FAM107B: variants seen among roughly 807,000 people sequenced by gnomAD.
FAM107B encodes the protein protein FAM107B.
A neutral mutation model predicts 31.5 loss-of-function variants in FAM107B; 21 were observed. The observed-to-expected ratio is 0.67, with a 90% CI of 0.47 to 0.96. The LOEUF (loss-of-function observed/expected upper bound fraction) is 0.96. Among genes scored for constraint, FAM107B ranks in the 40% least tolerant of loss-of-function variants. The pLI, the probability that FAM107B is intolerant of heterozygous loss-of-function variation, is 0.00. For missense variants in FAM107B, 452 were observed against 377.1 expected (o/e 1.20, Z -1.64); for synonymous variants, 157 against 141.5 (o/e 1.11, Z -0.78).
At chr10:14,725,590 G>T (rs768013261) in intron 1 of FAM107B, among the ~76,000 whole-genome samples, 67 of 146,798 alleles carry the variant, frequency 4.6e-4, no homozygotes, top group Admixed American at 6.3e-4. Context: ...TCCTCACATG[G>T]TAGGGGGAGA....
intron 1 of FAM107B, among the ~76,000 whole-genome samples, chr10:14,692,257 C>A (rs1391798266): frequency 1.3e-5 from 2 of 152,130 alleles, no homozygotes. Flanking sequence ...ACCCCTGGGG[C>A]ACACCAAAGA....
chr10:14,722,436 T>C (rs1283860415), intron 1 of FAM107B, among the ~76,000 whole-genome samples: 1 of 152,244 alleles, frequency 6.6e-6, no homozygotes, highest in Non-Finnish European at 1.5e-5. Flanking sequence ...CTTTTCCATA[T>C]ATCAGTTGAT....
intron 1 of FAM107B, among the ~76,000 whole-genome samples, chr10:14,767,056 A>G (rs1038471160): frequency 9.4e-5 from 2 of 21,260 alleles, no homozygotes; most frequent in Non-Finnish European, 1.6e-4. Flanking sequence ...ATATATATAT[A>G]GAGAGAGAGA....
At position 14,613,819 on chromosome 10, in the gene FAM107B, C is replaced by T. The variant is rs1401731795; in HGVS notation, c.469+53815G>A. On this transcript the variant is annotated intron_variant, in intron 2 of 4. Coordinates refer to ENST00000181796, the MANE Select transcript of FAM107B (RefSeq NM_031453.4). The stretch of plus-strand genomic sequence containing the variant: ...ACGCTTTTCCCTCAAAGCTGGACGA[C>T]TGGCTTTTCTTTTATTAAAATTCAA... 6.6e-5 allele frequency among the ~76,000 whole-genome samples: 10 copies of T among 152,312 alleles called. No individual in the cohort carries two copies. In the East Asian group the frequency reaches 1.7e-3, roughly 26 times the overall value.
Position 14,538,714 on chromosome 10 carries a change from C to T in FAM107B, c.470-8199G>A, listed in dbSNP as rs140035427. Among the ~76,000 whole-genome samples the T allele has an allele frequency of 3.3e-3, 509 of 152,276 alleles. 10 individuals are homozygous for T. Among genetic ancestry groups the T allele is most frequent in the Middle Eastern group, 0.017 (5 of 294 alleles). ...GCCCTCCTCTGCATGTGTAAGAGTA[C>T]ACGTTCAACAGCTATTAAAATTACT... On this transcript the variant is annotated intron_variant, in intron 2 of 4. Transcript: ENST00000181796.
At chr10:14,613,315 T>C (rs1033750676) in intron 2 of FAM107B, among the ~76,000 whole-genome samples, 3 of 152,198 alleles carry the variant, frequency 2.0e-5, no homozygotes, top group Non-Finnish European at 4.4e-5. Flanking sequence ...AATGTTATCA[T>C]AGAACAATAG....
intron 3 of FAM107B, among the ~76,000 whole-genome samples, chr10:14,525,767 T>G (rs1014140757): frequency 1.3e-5 from 2 of 152,224 alleles, no homozygotes; most frequent in Non-Finnish European, 2.9e-5. Context: ...CTTCTACAAG[T>G]ATTTCTGTTG....
rs34544529 is a variant in FAM107B at position 14,669,367 on chromosome 10, CA to C, written c.412-1677del. The stretch of plus-strand genomic sequence containing the variant: ...CCTGGGCCACAGAGCGAGACTCTGT[CA>C]AAAAAAAAAAAAAAAAGGAAGAAAG... On this transcript the variant is annotated intron_variant, in intron 1 of 4. Transcript: ENST00000181796. Among the ~76,000 whole-genome samples the C allele has an allele frequency of 7.4e-3, 881 of 119,238 alleles. 14 individuals carry two copies. The highest frequency in any genetic ancestry group is 0.026 in the African/African-American group (820 of 31,032). The allele number at this position is 119,238 out of a possible 152,430, so 78.2% of individuals were successfully genotyped here.
intron 1 of FAM107B, among the ~76,000 whole-genome samples, chr10:14,713,731 T>C (rs1251987716): frequency 6.6e-6 from 1 of 152,170 alleles, no homozygotes; most frequent in African/African-American, 2.4e-5. Context: ...TATGTACATG[T>C]ATGTTCATTG....
intron 2 of FAM107B, among the ~76,000 whole-genome samples, chr10:14,531,638 T>G (rs1164157472): frequency 2.6e-5 from 4 of 151,522 alleles, no homozygotes; most frequent in Non-Finnish European, 4.4e-5. Flanking sequence ...GGCCAGGGGT[T>G]TGAGACCAGC....
chr10:14,580,383 G>C (rs1169957911), intron 2 of FAM107B, among the ~76,000 whole-genome samples: 7 of 151,464 alleles, frequency 4.6e-5, no homozygotes, highest in African/African-American at 1.5e-4. Context: ...AGTAAGTCAA[G>C]GCCACCCTAC....
chr10:14,566,595 T>C (rs1850687602), intron 2 of FAM107B, among the ~76,000 whole-genome samples: 2 of 152,196 alleles, frequency 1.3e-5, no homozygotes, highest in South Asian at 4.1e-4. Flanking sequence ...CCCGGGCTCC[T>C]GAGCCACGGA....
chr10:14,587,820 G>A (rs867499718), intron 2 of FAM107B, among the ~76,000 whole-genome samples: 10 of 152,112 alleles, frequency 6.6e-5, no homozygotes, highest in African/African-American at 2.4e-4. Flanking sequence ...TTTGCACCAA[G>A]GAGCTTTGAG....
chr10:14,545,850 T>C (rs1301898596), intron 2 of FAM107B, among the ~76,000 whole-genome samples: 2 of 152,214 alleles, frequency 1.3e-5, no homozygotes, highest in African/African-American at 4.8e-5. Flanking sequence ...TGTTATTTTC[T>C]GAGGAGAAAA....
chr10:14,702,919 TA>T (rs891562943), intron 1 of FAM107B, among the ~76,000 whole-genome samples: 3 of 152,204 alleles, frequency 2.0e-5, no homozygotes, highest in Non-Finnish European at 2.9e-5. Context: ...TCTATTGCAG[TA>T]AAAAAGACCA....
intron 1 of FAM107B, among the ~76,000 whole-genome samples, chr10:14,693,524 T>G (rs1855195211): frequency 1.3e-5 from 2 of 150,304 alleles, no homozygotes; most frequent in African/African-American, 4.9e-5. Context: ...TACATATGGA[T>G]AGTAAAATGG....
chr10:14,707,247 G>T (rs1855543228), intron 1 of FAM107B, among the ~76,000 whole-genome samples: 1 of 152,180 alleles, frequency 6.6e-6, no homozygotes. Flanking sequence ...GAAAATTGTG[G>T]AAAGATGATT....
intron 2 of FAM107B, among the ~76,000 whole-genome samples, chr10:14,586,834 A>G (rs1418204704): frequency 6.6e-6 from 1 of 152,036 alleles, no homozygotes; most frequent in Non-Finnish European, 1.5e-5. Context: ...TGGACCCTCT[A>G]CCCCCACCAG....
chr10:14,577,407 C>T (rs919480857), intron 2 of FAM107B, among the ~76,000 whole-genome samples: 2 of 152,216 alleles, frequency 1.3e-5, no homozygotes, highest in African/African-American at 4.8e-5. Context: ...CTTCCGTTCA[C>T]GGAAAGAAAA....
Sources: allele counts gnomAD v4.1 joint callset (sites outside exome capture counted in the v4.1 genomes callset), GRCh38; gene constraint gnomAD v4.1.1; transcripts MANE v1.5; gene names NCBI Gene and HGNC (gene_info 2026-07-23, HGNC 2026-07-21).